The following TBX19 variants were observed in gnomAD, a reference collection of about 807,000 sequenced individuals.
TBX19 encodes the protein T-box transcription factor 19, also known as T-box transcription factor TBX19.
A neutral mutation model predicts 40.9 loss-of-function variants in TBX19; 33 were observed. That is an observed-to-expected ratio of 0.81 (90% CI 0.61 to 1.08). TBX19 has a LOEUF of 1.08. TBX19 is among the 50% of genes least tolerant of loss of function. The pLI, the probability that TBX19 is intolerant of heterozygous loss-of-function variation, is 0.00. For missense variants in TBX19, 494 were observed against 574.0 expected, an observed-to-expected ratio of 0.86 and a Z score of 1.42; for synonymous variants, 220 against 225.0, an observed-to-expected ratio of 0.98 and a Z score of 0.20.
At chr1:168,298,828 T>TTCCTTCCTTCC in intron 4 of TBX19, among the ~76,000 whole-genome samples, 1 of 16,234 alleles carries the variant, frequency 6.2e-5, no homozygotes, top group East Asian at 2.4e-3. Context: ...CCTTCCTTTC[T>TTCCTTCCTTCC]TTCTTTCTTT....
chr1:168,311,256 T>C (rs1649515364), intron 7 of TBX19, among the ~76,000 whole-genome samples: 1 of 152,086 alleles, frequency 6.6e-6, no homozygotes, highest in African/African-American at 2.4e-5. Context: ...TCTGTAGTAC[T>C]CAAAGACAAC....
At position 168,281,320 on chromosome 1, in the gene TBX19, G is replaced by T. The variant is rs374463095; in HGVS notation, c.203+27G>T. The T allele has an allele frequency of 1.2e-5, 19 of 1,610,328 alleles. No homozygotes were observed. The African/African-American group carries it at 2.4e-4, about 20-fold the overall frequency. On this transcript the variant is annotated intron_variant, in intron 1 of 7. Coordinates refer to ENST00000367821, the MANE Select transcript of TBX19 (RefSeq NM_005149.3). The stretch of plus-strand genomic sequence containing the variant: ...TGAGTTTATCTGCCGCCCCGCGTGG[G>T]CTGGCAGGGCTTGGCAGGAGAGATG...
chr1:168,298,533 G>T (rs954992910), intron 4 of TBX19, among the ~76,000 whole-genome samples: 18 of 152,168 alleles, frequency 1.2e-4, no homozygotes, highest in Non-Finnish European at 2.9e-5. Context: ...AGAAGTCGGA[G>T]ACTTCTGGGG....
At chr1:168,309,094 C>T (rs899027762) in intron 7 of TBX19, among the ~76,000 whole-genome samples, 8 of 152,094 alleles carry the variant, frequency 5.3e-5, no homozygotes, top group African/African-American at 1.7e-4. Context: ...AAGGATAGGC[C>T]GGGTGCAGTG....
chr1:168,298,527 G>C (rs924110651), intron 4 of TBX19, among the ~76,000 whole-genome samples: 1 of 152,170 alleles, frequency 6.6e-6, no homozygotes, highest in Non-Finnish European at 1.5e-5. Flanking sequence ...GAGAAAAGAA[G>C]TCGGAGACTT....
intron 4 of TBX19, 67 bp downstream of exon 4, chr1:168,297,852 T>G: frequency 7.3e-7 from 1 of 1,379,158 alleles, no homozygotes; most frequent in Non-Finnish European, 1.0e-6. Context: ...GTGGAATTTA[T>G]GATTATCTTG....
chr1:168,308,581 C>A, intron 6 of TBX19, 161 bp from the exon 7 acceptor site: 1 of 874,964 alleles, frequency 1.1e-6, no homozygotes, highest in Non-Finnish European at 1.8e-6. Context: ...TGAGGAAACC[C>A]ACGTTTCTTT....
intron 1 of TBX19, among the ~76,000 whole-genome samples, chr1:168,283,366 A>G (rs1183002929): frequency 6.6e-6 from 1 of 152,030 alleles, no homozygotes; most frequent in Non-Finnish European, 1.5e-5. Flanking sequence ...TAGGGTCAAG[A>G]TTTTGCCAGG....
chr1:168,310,064 G>T (rs538460164), intron 7 of TBX19, among the ~76,000 whole-genome samples: 1 of 152,272 alleles, frequency 6.6e-6, no homozygotes, highest in South Asian at 2.1e-4. Flanking sequence ...CACTTTGGGA[G>T]GCCGAGGCAG....
chr1:168,292,883 A>G (rs1648980127), intron 2 of TBX19, among the ~76,000 whole-genome samples: 1 of 151,374 alleles, frequency 6.6e-6, no homozygotes, highest in Non-Finnish European at 1.5e-5. Context: ...AAAAAAAAAA[A>G]AAAAAGGAAT....
chr1:168,282,977 T>A (rs1648701170), intron 1 of TBX19, among the ~76,000 whole-genome samples: 1 of 152,244 alleles, frequency 6.6e-6, no homozygotes, highest in Non-Finnish European at 1.5e-5. Context: ...TGGAATGTAC[T>A]TTTACCATTT....
intron 2 of TBX19, among the ~76,000 whole-genome samples, chr1:168,292,909 A>G (rs1291262537): frequency 6.6e-6 from 1 of 151,072 alleles, no homozygotes; most frequent in African/African-American, 2.4e-5. Context: ...CTCTCTGACA[A>G]CCCACCCCTC....
intron 4 of TBX19, among the ~76,000 whole-genome samples, 169 bp downstream of exon 4, chr1:168,297,954 T>C (rs1042121429): frequency 7.9e-5 from 12 of 152,100 alleles, no homozygotes; most frequent in African/African-American, 2.7e-4. Flanking sequence ...CCCAGCACTT[T>C]GGGAGGCCGA....
intron 3 of TBX19, among the ~76,000 whole-genome samples, chr1:168,294,738 G>A (rs1309208696): frequency 6.6e-6 from 1 of 152,122 alleles, no homozygotes; most frequent in African/African-American, 2.4e-5. Context: ...CTGACCTCAG[G>A]TGATCCATCC....
At chr1:168,294,921 T>C (rs568057266) in intron 3 of TBX19, among the ~76,000 whole-genome samples, 2 of 152,262 alleles carry the variant, frequency 1.3e-5, no homozygotes, top group East Asian at 1.9e-4. Context: ...CAAAATGGCA[T>C]CTCTATTTGT....
chr1:168,296,920 T>C (rs1649125304), intron 3 of TBX19, among the ~76,000 whole-genome samples: 1 of 152,170 alleles, frequency 6.6e-6, no homozygotes, highest in South Asian at 2.1e-4. Flanking sequence ...TAAATATTTA[T>C]TTACTCAACA....
chr1:168,301,643 C>G (rs1197347723), intron 5 of TBX19, among the ~76,000 whole-genome samples: 1 of 152,186 alleles, frequency 6.6e-6, no homozygotes, highest in Non-Finnish European at 1.5e-5. Flanking sequence ...TTATTTGGGT[C>G]AAGTTTGAGG....
At chr1:168,295,430 C>T (rs374574081) in intron 3 of TBX19, among the ~76,000 whole-genome samples, 1 of 152,276 alleles carries the variant, frequency 6.6e-6, no homozygotes. Flanking sequence ...TAAAAGTCTC[C>T]CCAGAGGATT....
At chr1:168,284,465 A>T (rs1269454191) in intron 1 of TBX19, among the ~76,000 whole-genome samples, 2 of 152,064 alleles carry the variant, frequency 1.3e-5, no homozygotes, top group Non-Finnish European at 2.9e-5. Flanking sequence ...GCTTGAGCCC[A>T]GGAGTTTGAA....
Sources: allele counts gnomAD v4.1 joint callset (sites outside exome capture counted in the v4.1 genomes callset), GRCh38; gene constraint gnomAD v4.1.1; transcripts MANE v1.5; gene names NCBI Gene and HGNC (gene_info 2026-07-23, HGNC 2026-07-21).